Variants in LRMDA observed in about 807,000 individuals in gnomAD.
LRMDA encodes the protein leucine-rich melanocyte differentiation-associated protein.
Under a neutral mutation model 29.8 loss-of-function variants are expected in LRMDA, and 18 were observed. That is an observed-to-expected ratio of 0.60 (90% CI 0.42 to 0.90). The LOEUF is 0.90. LRMDA is among the 40% of genes least tolerant of loss of function. The pLI, the probability that LRMDA is intolerant of heterozygous loss-of-function variation, is 0.00. For synonymous variants in LRMDA, 125 were observed against 109.4 expected (o/e 1.14, Z -0.89); for missense variants, 273 against 273.9 (o/e 1.00, Z 0.02).
intron 2 of LRMDA, among the ~76,000 whole-genome samples, chr10:75,565,500 C>G (rs1029342910): frequency 6.6e-5 from 10 of 152,156 alleles, no homozygotes; most frequent in African/African-American, 1.4e-4. Context: ...CAGCTGAGGG[C>G]ATTTTCAAAG....
At chr10:76,516,831 G>C (rs976836173) in intron 6 of LRMDA, among the ~76,000 whole-genome samples, 1 of 152,194 alleles carries the variant, frequency 6.6e-6, no homozygotes. Flanking sequence ...ATAGCAGCAT[G>C]ATTTATAATC....
At chr10:76,518,256 C>T (rs1210840361) in intron 6 of LRMDA, among the ~76,000 whole-genome samples, 1 of 150,362 alleles carries the variant, frequency 6.7e-6, no homozygotes. Context: ...ACCTACCTAC[C>T]TATCCATCTA....
chr10:75,962,315 G>A lies in LRMDA; in HGVS notation c.132-73693G>A, dbSNP rs1262890094. Among the ~76,000 whole-genome samples, 6 of 152,206 alleles carry A rather than the reference G, an allele frequency of 3.9e-5. No homozygotes were observed. In the East Asian group the frequency reaches 1.2e-3, roughly 29 times the overall value. ...ATGAGGGTGTTGGACTAGAGCAGTG[G>A]CTTGCAAAGTGGGGTCCCCAGCCCA... On this transcript the variant is annotated intron_variant, in intron 2 of 6. Transcript: ENST00000611255.
At chr10:76,384,380 A>G (rs1349245720) in intron 6 of LRMDA, among the ~76,000 whole-genome samples, 2 of 152,230 alleles carry the variant, frequency 1.3e-5, no homozygotes, top group African/African-American at 4.8e-5. Context: ...GGGAAATGAT[A>G]TAAAGAAATG....
chr10:76,004,282 G>A (rs1440168763), intron 2 of LRMDA, among the ~76,000 whole-genome samples: 1 of 152,140 alleles, frequency 6.6e-6, no homozygotes, highest in Non-Finnish European at 1.5e-5. Context: ...GGTATAGTCC[G>A]AACTTAGATT....
intron 2 of LRMDA, among the ~76,000 whole-genome samples, chr10:75,928,412 A>G (rs1229733162): frequency 6.6e-6 from 1 of 152,170 alleles, no homozygotes; most frequent in Admixed American, 6.5e-5. Flanking sequence ...TCACAAGAAA[A>G]TAACCCCTTA....
chr10:75,802,430 C>T (rs1481329151), intron 2 of LRMDA, among the ~76,000 whole-genome samples: 1 of 151,886 alleles, frequency 6.6e-6, no homozygotes, highest in African/African-American at 2.4e-5. Flanking sequence ...GAAGGATTTA[C>T]TTGTGTGTGC....
intron 5 of LRMDA, among the ~76,000 whole-genome samples, chr10:76,213,976 A>G (rs553959225): frequency 7.2e-5 from 11 of 152,278 alleles, no homozygotes; most frequent in African/African-American, 2.6e-4. Context: ...TGTTAGGGAC[A>G]CTGCACATCT....
chr10:76,321,176 G>C (rs994249307), intron 5 of LRMDA, among the ~76,000 whole-genome samples: 1 of 152,146 alleles, frequency 6.6e-6, no homozygotes, highest in Non-Finnish European at 1.5e-5. Context: ...TTGCAGACCT[G>C]TGTGAGATTT....
chr10:75,555,662 G>A (rs2132057822), intron 2 of LRMDA, among the ~76,000 whole-genome samples: 1 of 152,304 alleles, frequency 6.6e-6, no homozygotes, highest in Non-Finnish European at 1.5e-5. Context: ...AGGAGAAGCT[G>A]TAGTTTCTAC....
At chr10:76,090,836 G>C (rs1489932257) in intron 5 of LRMDA, among the ~76,000 whole-genome samples, 1 of 152,188 alleles carries the variant, frequency 6.6e-6, no homozygotes, top group Non-Finnish European at 1.5e-5. Flanking sequence ...GTCGTGAGGG[G>C]CTGGGAAGAG....
chr10:75,904,041 T>C (rs995057278), intron 2 of LRMDA, among the ~76,000 whole-genome samples: 1 of 152,240 alleles, frequency 6.6e-6, no homozygotes, highest in African/African-American at 2.4e-5. Context: ...ACTACCGTAT[T>C]GAACCTTGGA....
At chr10:76,214,623 T>C (rs957262170) in intron 5 of LRMDA, among the ~76,000 whole-genome samples, 2 of 151,818 alleles carry the variant, frequency 1.3e-5, no homozygotes, top group East Asian at 1.9e-4. Flanking sequence ...GGATTACAGG[T>C]GTGAGCCACC....
chr10:75,913,603 G>C (rs1373896581), intron 2 of LRMDA, among the ~76,000 whole-genome samples: 1 of 152,244 alleles, frequency 6.6e-6, no homozygotes, highest in African/African-American at 2.4e-5. Context: ...GGAGCCGGAT[G>C]AATCTTCATA....
At chr10:76,413,779 C>T (rs1307220044) in intron 6 of LRMDA, among the ~76,000 whole-genome samples, 1 of 152,156 alleles carries the variant, frequency 6.6e-6, no homozygotes, top group African/African-American at 2.4e-5. Flanking sequence ...GGGGCCTAAA[C>T]TAGAGCTTGG....
At chr10:76,094,530 T>A (rs1249317443) in intron 5 of LRMDA, among the ~76,000 whole-genome samples, 1 of 152,132 alleles carries the variant, frequency 6.6e-6, no homozygotes, top group Non-Finnish European at 1.5e-5. Flanking sequence ...TATTGCTCAT[T>A]ATTATTTTTA....
At chr10:75,482,184 T>C (rs1844862333) in intron 2 of LRMDA, among the ~76,000 whole-genome samples, 1 of 152,036 alleles carries the variant, frequency 6.6e-6, no homozygotes, top group Admixed American at 6.5e-5. Context: ...CAGGGAAGCA[T>C]AGGTGGAGGG....
chr10:76,246,800 C>T (rs79779378), intron 5 of LRMDA, among the ~76,000 whole-genome samples: 8,853 of 152,224 alleles, frequency 0.058, 341 homozygotes, highest in African/African-American at 0.1. Context: ...CTTTGCATTG[C>T]ACACAAGTGT....
At position 76,558,582 on chromosome 10, in the gene LRMDA, TC is replaced by T. The variant is rs1427359255; in HGVS notation, c.*1296del. ...CGATAGTGTTTATTTTTCTGCTTCT[TC>T]CATTTAGACCAAGTGTTCATTGTCC... On this transcript the variant is annotated 3_prime_UTR_variant, in exon 7 of 7. Coordinates refer to ENST00000611255, the MANE Select transcript of LRMDA (RefSeq NM_001305581.2). 1 of 152,244 alleles carries T rather than the reference TC, an allele frequency of 6.6e-6. No homozygotes were observed. Among genetic ancestry groups the T allele is most frequent in the African/African-American group, 2.4e-5 (1 of 41,462 alleles). The allele number at this position is 152,244 out of a possible 1,614,324, so 9.4% of individuals were successfully genotyped here. A position where few individuals can be genotyped will look rare whatever the true frequency, so the allele number is the denominator to read the frequency against.
Sources: gnomAD v4.1 joint callset for allele counts (sites outside exome capture counted in the v4.1 genomes callset) on GRCh38, gnomAD v4.1.1 for gene constraint, MANE v1.5 for transcripts, NCBI Gene and HGNC (gene_info 2026-07-23, HGNC 2026-07-21) for gene names.